Variants in COL24A1 observed in about 807,000 individuals in gnomAD.
The protein encoded by COL24A1 is collagen type XXIV alpha 1 chain.
A neutral mutation model predicts 253.9 loss-of-function variants in COL24A1; 224 were observed. The ratio of observed to expected loss-of-function variants is 0.88; its 90% CI spans 0.79 to 0.99. The LOEUF (loss-of-function observed/expected upper bound fraction) is 0.99, where lower values mean the gene tolerates loss of function less well. Among genes scored for constraint, COL24A1 ranks in the 50% least tolerant of loss-of-function variants. The pLI is 0.00. For missense variants in COL24A1, 2,131 were observed against 2,068.5 expected, an observed-to-expected ratio of 1.03 and a Z score of -0.59; for synonymous variants, 685 against 673.7, an observed-to-expected ratio of 1.02 and a Z score of -0.26.
chr1:86,005,552 A>T (rs1300721492), intron 19 of COL24A1, among the ~76,000 whole-genome samples: 1 of 152,148 alleles, frequency 6.6e-6, no homozygotes, highest in Non-Finnish European at 1.5e-5. Context: ...AACATACTCC[A>T]TATGGAGTCT....
At position 85,909,904 on chromosome 1, in the gene COL24A1, TA is replaced by T. The variant is rs1274067219; in HGVS notation, c.2670+45del. ...TTCCATCTCTGGAACGACTTGCTTTTATTGCATTCTTTGGAAACATATTTTT... is the reference window on the plus strand; with the variant it reads ...TTCCATCTCTGGAACGACTTGCTTTTTTGCATTCTTTGGAAACATATTTTT... On this transcript the variant is annotated intron_variant, in intron 26 of 59. Transcript: ENST00000370571. The T allele has an allele frequency of 3.3e-6, 5 of 1,500,274 alleles. No individual in the cohort carries two copies. The South Asian group carries it at 5.6e-5, about 17-fold the overall frequency. 92.9% of individuals were successfully genotyped at this position (1,500,274 alleles called of 1,614,324 possible). A position where few individuals can be genotyped will look rare whatever the true frequency, so the allele number is the denominator to read the frequency against.
At chr1:86,021,425 C>T (rs1279065958) in intron 18 of COL24A1, among the ~76,000 whole-genome samples, 1 of 152,024 alleles carries the variant, frequency 6.6e-6, no homozygotes, top group Admixed American at 6.6e-5. Context: ...CTCTGACATA[C>T]CTGATTGCCT....
rs1558569306 is a variant in COL24A1 at position 85,896,381 on chromosome 1, C to G, written c.2807G>C (p.Gly936Ala). The change falls in exon 29 of 60, where the codon GGG becomes GCG. Residue 936 changes from glycine to alanine, a missense_variant. Physicochemically the swap from Gly to Ala is moderately conservative, Grantham distance 60. Transcript: ENST00000370571. ...RGSRGPDGLL[G>A]EQGIQGAKGE... ...CTTGGCACCTTGTATACCTTGTTCCCCTAAGAGACCATCTGGTCCTCTTGA... is the reference window on the plus strand; with the variant it reads ...CTTGGCACCTTGTATACCTTGTTCCGCTAAGAGACCATCTGGTCCTCTTGA... The G allele has an allele frequency of 6.2e-7, 1 of 1,613,412 alleles. No homozygotes were observed. Among genetic ancestry groups the G allele is most frequent in the Non-Finnish European group, 8.5e-7 (1 of 1,179,450 alleles).
chr1:86,017,238 T>C, intron 18 of COL24A1, 34 bp from the exon 19 acceptor site: 2 of 1,496,594 alleles, frequency 1.3e-6, no homozygotes, highest in Non-Finnish European at 1.8e-6. Context: ...AGTATAAACA[T>C]AAACTTAATA....
chr1:85,995,785 G>A (rs1331354324), intron 19 of COL24A1, among the ~76,000 whole-genome samples: 2 of 152,132 alleles, frequency 1.3e-5, no homozygotes, highest in African/African-American at 4.8e-5. Flanking sequence ...ATGATACTGA[G>A]TGCTTGCAAG....
At chr1:85,855,623 T>C (rs1678337858) in intron 37 of COL24A1, among the ~76,000 whole-genome samples, 2 of 152,248 alleles carry the variant, frequency 1.3e-5, no homozygotes, top group Admixed American at 1.3e-4. Flanking sequence ...TAGTATTTTG[T>C]TATCGATTCT....
chr1:85,895,840 A>G lies in COL24A1; in HGVS notation c.2922+18T>C, dbSNP rs765400748. ...GCAGATAAAAATTTTTCATAGCATG[A>G]TTTTTTAAATTACTTACTGGTTTCC... On this transcript the variant is annotated intron_variant, in intron 31 of 59. Transcript: ENST00000370571. The G allele has an allele frequency of 1.9e-6, 3 of 1,599,498 alleles. No individual in the cohort carries two copies. The highest frequency in any genetic ancestry group is 4.5e-5 in the East Asian group (2 of 44,588).
chr1:85,933,276 T>C (rs1221167090), intron 24 of COL24A1, among the ~76,000 whole-genome samples: 1 of 152,114 alleles, frequency 6.6e-6, no homozygotes, highest in Non-Finnish European at 1.5e-5. Context: ...GTCAGCCAAA[T>C]AGAGTTCATC....
At chr1:86,071,896 A>T (rs1273382074) in intron 7 of COL24A1, among the ~76,000 whole-genome samples, 2 of 152,254 alleles carry the variant, frequency 1.3e-5, no homozygotes, top group African/African-American at 4.8e-5. Context: ...CTCACCCAGG[A>T]AGAGCAAAGG....
chr1:85,759,972 A>G (rs1165307483), intron 55 of COL24A1, among the ~76,000 whole-genome samples: 14 of 152,248 alleles, frequency 9.2e-5, no homozygotes, highest in Non-Finnish European at 5.9e-5. Flanking sequence ...TAATGAGGGT[A>G]CTTGTAATCC....
chr1:85,925,129 C>T (rs1411503342), intron 24 of COL24A1, among the ~76,000 whole-genome samples: 1 of 152,086 alleles, frequency 6.6e-6, no homozygotes, highest in African/African-American at 2.4e-5. Flanking sequence ...TGTGAAGGAC[C>T]TCTTCAAGGA....
At chr1:85,896,148 C>T (rs1683680195) in intron 29 of COL24A1, 83 bp from the exon 30 acceptor site, 6 of 1,408,822 alleles carry the variant, frequency 4.3e-6, no homozygotes, top group Non-Finnish European at 5.9e-6. Flanking sequence ...CATACACTCA[C>T]ATACAAAAAA....
intron 28 of COL24A1, among the ~76,000 whole-genome samples, chr1:85,902,431 G>A (rs1055653742): frequency 6.6e-5 from 10 of 152,166 alleles, no homozygotes; most frequent in Non-Finnish European, 1.5e-4. Flanking sequence ...TACCACTTTA[G>A]CTAGATTTTC....
In COL24A1 at chr1:85,905,196, C is replaced by T. The variant is rs193185851; in HGVS notation, c.2778+1998G>A. Among the ~76,000 whole-genome samples the T allele has an allele frequency of 5.3e-5, 8 of 152,198 alleles. No individual in the cohort carries two copies. The East Asian group carries it at 1.5e-3, about 29-fold the overall frequency. On this transcript the variant is annotated intron_variant, in intron 28 of 59. Transcript: ENST00000370571. ...TTACAGGTATGCTGAAAATAGTGCC[C>T]TCCTCAGCCTTTGGGGTGGCAAGGA... is the stretch of plus-strand genomic sequence containing the variant.
rs377126404 is a variant in COL24A1 at position 85,784,387 on chromosome 1, A to T, written c.4060-21T>A. 7.0e-5 allele frequency: 109 copies of T among 1,558,360 alleles called. No individual in the cohort carries two copies. The African/African-American group carries it at 1.3e-3, about 19-fold the overall frequency. On this transcript the variant is annotated intron_variant, in intron 48 of 59. Coordinates refer to ENST00000370571, the MANE Select transcript of COL24A1 (RefSeq NM_152890.7). Reference sequence around the variant, plus strand: ...TCACCCTATGGGTAGAACAAAGAAAAGCGATCTTTACATCAGAACATATAA... The same window carrying T: ...TCACCCTATGGGTAGAACAAAGAAATGCGATCTTTACATCAGAACATATAA...
intron 45 of COL24A1, among the ~76,000 whole-genome samples, chr1:85,822,097 C>T (rs1307002901): frequency 1.3e-5 from 2 of 152,104 alleles, no homozygotes; most frequent in African/African-American, 4.8e-5. Flanking sequence ...TATCTTCTTT[C>T]TCTGCTTGTT....
chr1:85,817,916 T>A lies in COL24A1; in HGVS notation c.3843+118A>T, dbSNP rs1570740643. 13 of 853,100 alleles carry A rather than the reference T, an allele frequency of 1.5e-5. 1 individual carries two copies. In the South Asian group the frequency reaches 2.0e-4, roughly 13 times the overall value. The allele number at this position is 853,100 out of a possible 1,614,324, so 52.8% of individuals were successfully genotyped here. Reference sequence around the variant, plus strand: ...TGTTCCAGCATGGGTTTAATTTTTTTAAAAGACAATCTGATTTATCCAACA... The same window carrying A: ...TGTTCCAGCATGGGTTTAATTTTTTAAAAAGACAATCTGATTTATCCAACA... On this transcript the variant is annotated intron_variant, in intron 46 of 59. Coordinates refer to ENST00000370571, the MANE Select transcript of COL24A1 (RefSeq NM_152890.7).
chr1:85,896,747 C>A (rs535528303), intron 28 of COL24A1, among the ~76,000 whole-genome samples: 2 of 152,310 alleles, frequency 1.3e-5, no homozygotes, highest in East Asian at 3.9e-4. Context: ...ATCCACCCGC[C>A]TCGGCCTCCC....
intron 33 of COL24A1, 26 bp downstream of exon 33, chr1:85,877,096 A>G: frequency 6.4e-7 from 1 of 1,569,860 alleles, no homozygotes; most frequent in Non-Finnish European, 8.7e-7. Flanking sequence ...ATATTTATGA[A>G]GAAGAACTAG....
Sources: gnomAD v4.1 joint callset for allele counts (sites outside exome capture counted in the v4.1 genomes callset) on GRCh38, gnomAD v4.1.1 for gene constraint, MANE v1.5 for transcripts, NCBI Gene and HGNC (gene_info 2026-07-23, HGNC 2026-07-21) for gene names.